Variants in PDIA6 observed in about 807,000 individuals in gnomAD.
PDIA6 encodes the protein protein disulfide-isomerase A6.
In PDIA6, 29 loss-of-function variants were observed where a neutral mutation model predicts 58.4. That is an observed-to-expected ratio of 0.50 (90% CI 0.37 to 0.68). PDIA6 has a LOEUF of 0.68. PDIA6 is among the 30% of genes least tolerant of loss of function. The probability of loss-of-function intolerance (pLI) is 0.00; values close to 1 mark genes in which losing one functional copy is unlikely to be tolerated. For synonymous variants in PDIA6, 192 were observed against 202.6 expected (o/e 0.95, Z 0.44); for missense variants, 480 against 551.0 (o/e 0.87, Z 1.29).
chr2:10,817,788 C>A (rs1001843714), intron 2 of PDIA6, among the ~76,000 whole-genome samples: 3 of 152,246 alleles, frequency 2.0e-5, no homozygotes, highest in Non-Finnish European at 4.4e-5. Context: ...AAGATCAGTG[C>A]CACCCTCCAA....
chr2:10,797,876 G>A (rs1666337056), intron 2 of PDIA6, 119 bp from the exon 3 acceptor site: 8 of 741,718 alleles, frequency 1.1e-5, no homozygotes, highest in Non-Finnish European at 1.8e-5. Context: ...CCTGCAAAGA[G>A]GACAAGCACA....
At chr2:10,821,547 T>C (rs1252025705) in intron 1 of PDIA6, 1 of 152,184 alleles carries the variant, frequency 6.6e-6, no homozygotes, top group East Asian at 1.9e-4. Context: ...TGTTGGAGAA[T>C]TCGACAATTC....
upstream of PDIA6, among the ~76,000 whole-genome samples, chr2:10,817,228 G>T (rs543578794): frequency 6.6e-6 from 1 of 152,174 alleles, no homozygotes; most frequent in Non-Finnish European, 1.5e-5. Flanking sequence ...AGAGTAAGTG[G>T]TTTGCAGACA....
intron 1 of PDIA6, among the ~76,000 whole-genome samples, chr2:10,806,547 G>A (rs1229197434): frequency 6.7e-6 from 1 of 149,662 alleles, no homozygotes; most frequent in Non-Finnish European, 1.5e-5. Context: ...GGCCAAAGTG[G>A]GAGGACTGCT....
chr2:10,802,584 C>T lies in PDIA6; in HGVS notation c.76G>A (p.Asp26Asn). The T allele has an allele frequency of 6.7e-7, 1 of 1,501,374 alleles. No homozygotes were observed. The highest frequency in any genetic ancestry group is 8.9e-7 in the Non-Finnish European group (1 of 1,125,834). 93.0% of individuals were successfully genotyped at this position (1,501,374 alleles called of 1,614,324 possible). A position where few individuals can be genotyped will look rare whatever the true frequency, so the allele number is the denominator to read the frequency against. Residue 26 changes from aspartate (D) to asparagine (N), a missense_variant, in exon 2 of 13, where the codon GAT (aspartate) becomes AAT (asparagine). Transcript: ENST00000272227. The part of the protein sequence containing the change: ...AVNGLYSSSD[D>N]VIELTPSNFN... ...TTCGATGGAGTTAATTCGATCACAT[C>T]ATCACTAGAGGAATACAGACCATTC...
chr2:10,818,259 G>T (rs571292817), intron 2 of PDIA6, among the ~76,000 whole-genome samples: 3 of 151,264 alleles, frequency 2.0e-5, no homozygotes, highest in Non-Finnish European at 4.4e-5. Context: ...ACCTCCTAGT[G>T]TCAAGCAATC....
chr2:10,818,838 G>A (rs1023355839), intron 2 of PDIA6, among the ~76,000 whole-genome samples: 1 of 152,006 alleles, frequency 6.6e-6, no homozygotes, highest in Non-Finnish European at 1.5e-5. Flanking sequence ...CCATTTTTAA[G>A]TGTACAGTTC....
upstream of PDIA6, among the ~76,000 whole-genome samples, chr2:10,832,820 C>T (rs926795552): frequency 8.5e-5 from 13 of 152,146 alleles, no homozygotes; most frequent in Non-Finnish European, 1.6e-4. Flanking sequence ...CTGTGGCTTG[C>T]CACAGGAACA....
In PDIA6 at chr2:10,802,508, T is replaced by C. The variant is rs756138282; in HGVS notation, c.152A>G (p.Tyr51Cys). Residue 51 changes from tyrosine (Y) to cysteine (C), a missense_variant, in exon 2 of 13, where the codon TAT (tyrosine) becomes TGT (cysteine). Tyr to Cys is a radical substitution (Grantham distance 194, BLOSUM62 -2). Coordinates refer to ENST00000272227, the MANE Select transcript of PDIA6 (RefSeq NM_005742.4). ...ATTTTATAATACTTACCATGGAGCATAGAATTCTACAAGCCACAAACTATC... is the reference window on the plus strand; with the variant it reads ...ATTTTATAATACTTACCATGGAGCACAGAATTCTACAAGCCACAAACTATC... The part of the protein sequence containing the change: ...QSDSLWLVEF[Y>C]APWCGHCQRL... The C allele has an allele frequency of 5.7e-6, 8 of 1,398,198 alleles. No individual in the cohort carries two copies. The highest frequency in any genetic ancestry group is 2.0e-5 in the South Asian group (1 of 50,744). The allele number at this position is 1,398,198 out of a possible 1,614,324, so 86.6% of individuals were successfully genotyped here. A position where few individuals can be genotyped will look rare whatever the true frequency, so the allele number is the denominator to read the frequency against.
At chr2:10,803,507 C>T (rs567120970) in intron 1 of PDIA6, among the ~76,000 whole-genome samples, 17 of 152,228 alleles carry the variant, frequency 1.1e-4, no homozygotes, top group African/African-American at 3.8e-4. Context: ...ATCCATAACA[C>T]ATTATCAGAA....
intron 1 of PDIA6, among the ~76,000 whole-genome samples, chr2:10,821,956 A>AC (rs1553341735): frequency 6.7e-6 from 1 of 149,610 alleles, no homozygotes; most frequent in Non-Finnish European, 1.5e-5. Context: ...TAAAAAAAAA[A>AC]TTTTTTTGAG....
At chr2:10,786,168 C>G (rs1023024994) in intron 11 of PDIA6, among the ~76,000 whole-genome samples, 10 of 152,078 alleles carry the variant, frequency 6.6e-5, no homozygotes, top group Non-Finnish European at 2.9e-5. Flanking sequence ...ACTAAAAATA[C>G]AAAAATTAGC....
intron 1 of PDIA6, among the ~76,000 whole-genome samples, chr2:10,824,404 C>T (rs1667492726): frequency 6.6e-6 from 1 of 152,248 alleles, no homozygotes; most frequent in African/African-American, 2.4e-5. Context: ...TGGATTCTAG[C>T]AGCGTTGTCC....
intron 5 of PDIA6, among the ~76,000 whole-genome samples, chr2:10,792,750 C>T (rs1044327672): frequency 6.6e-6 from 1 of 152,182 alleles, no homozygotes; most frequent in African/African-American, 2.4e-5. Context: ...AATCTCATCA[C>T]GGTTTGCCAA....
upstream of PDIA6, among the ~76,000 whole-genome samples, chr2:10,834,518 G>A (rs933070848): frequency 2.0e-5 from 3 of 152,012 alleles, no homozygotes; most frequent in East Asian, 1.9e-4. Context: ...GTCCCTGAGC[G>A]CCTGGCAGGA....
chr2:10,826,977 G>T (rs1322837353), intron 1 of PDIA6, among the ~76,000 whole-genome samples: 1 of 152,200 alleles, frequency 6.6e-6, no homozygotes, highest in Non-Finnish European at 1.5e-5. Flanking sequence ...CACACCAGGT[G>T]ATCTGAAGTG....
chr2:10,829,890 G>C (rs1010732956), intron 1 of PDIA6, among the ~76,000 whole-genome samples: 1 of 152,140 alleles, frequency 6.6e-6, no homozygotes, highest in Non-Finnish European at 1.5e-5. Flanking sequence ...CAGCTTCTCC[G>C]TGGCGGCACT....
intron 1 of PDIA6, among the ~76,000 whole-genome samples, chr2:10,831,734 A>G (rs573933235): frequency 1.1e-4 from 16 of 152,274 alleles, no homozygotes; most frequent in African/African-American, 3.8e-4. Context: ...TGTGTCTGAC[A>G]GATTCTAGGG....
At chr2:10,806,622 T>TAAAGAAGAAAGAAAGAAAG (rs1207473085) in intron 1 of PDIA6, among the ~76,000 whole-genome samples, 1 of 48,694 alleles carries the variant, frequency 2.1e-5, no homozygotes, top group African/African-American at 4.3e-5. Flanking sequence ...TCCTAAAAAA[T>TAAAGAAGAAAGAAAGAAAG]AAAGACAGAA....
Sources: allele counts gnomAD v4.1 joint callset (sites outside exome capture counted in the v4.1 genomes callset), GRCh38; gene constraint gnomAD v4.1.1; transcripts MANE v1.5; gene names NCBI Gene and HGNC (gene_info 2026-07-23, HGNC 2026-07-21).